The following ROBO2 variants were observed in gnomAD, a reference collection of about 807,000 sequenced individuals.
ROBO2 encodes roundabout guidance receptor 2.
A neutral mutation model predicts 160.8 loss-of-function variants in ROBO2; 53 were observed. The ratio of observed to expected loss-of-function variants is 0.33; its 90% CI spans 0.26 to 0.41. ROBO2 has a LOEUF of 0.41. Among genes scored for constraint, ROBO2 ranks in the 10% least tolerant of loss-of-function variants. The pLI, the probability that ROBO2 is intolerant of heterozygous loss-of-function variation, is 1.00. For missense variants in ROBO2, 1,577 were observed against 1,722.4 expected (o/e 0.92, Z 1.49); for synonymous variants, 664 against 611.7 (o/e 1.09, Z -1.26).
At position 77,058,185 on chromosome 3, in the gene ROBO2, T is replaced by C. The variant is rs2065948098; in HGVS notation, c.61+17339T>C. On this transcript the variant is annotated intron_variant, in intron 1 of 25. Coordinates refer to ENST00000461745, the Ensembl canonical transcript of ROBO2. ...GCTTCCAAGTATCACCTGAATAAAA[T>C]AGGTGAATAGAAAACTGAGCTTAGA... Among the ~76,000 whole-genome samples, 5 of 152,120 alleles carry C rather than the reference T, an allele frequency of 3.3e-5. No homozygotes were observed. The South Asian group carries it at 1.0e-3, about 32-fold the overall frequency.
At chr3:76,155,694 C>A (rs1446677077) in intron 2 of ROBO2, among the ~76,000 whole-genome samples, 2 of 152,130 alleles carry the variant, frequency 1.3e-5, no homozygotes, top group Non-Finnish European at 2.9e-5. Flanking sequence ...TTAACTAATT[C>A]ATTAAGCCAT....
intron 2 of ROBO2, among the ~76,000 whole-genome samples, chr3:76,359,532 A>G (rs1480077807): frequency 6.6e-6 from 1 of 152,062 alleles, no homozygotes; most frequent in Non-Finnish European, 1.5e-5. Context: ...CTCGCTGGAC[A>G]TGTGATCCTT....
At chr3:77,612,437 A>G (rs1488265832) in intron 21 of ROBO2, among the ~76,000 whole-genome samples, 1 of 152,206 alleles carries the variant, frequency 6.6e-6, no homozygotes, top group Non-Finnish European at 1.5e-5. Context: ...CTTCTCCTTC[A>G]TATGATATAC....
chr3:76,213,908 C>T (rs1575907300), intron 2 of ROBO2, among the ~76,000 whole-genome samples: 4 of 152,010 alleles, frequency 2.6e-5, no homozygotes, highest in Admixed American at 2.6e-4. Flanking sequence ...AGGATAAATA[C>T]AGTATAGATA....
chr3:77,188,537 A>ATTTTCAT (rs1579788414), intron 2 of ROBO2, among the ~76,000 whole-genome samples: 1 of 151,836 alleles, frequency 6.6e-6, no homozygotes, highest in African/African-American at 2.4e-5. Flanking sequence ...TTTATGTGGC[A>ATTTTCAT]TTTTCATACT....
intron 2 of ROBO2, among the ~76,000 whole-genome samples, chr3:76,060,347 G>A (rs2068030049): frequency 6.6e-6 from 1 of 152,192 alleles, no homozygotes; most frequent in African/African-American, 2.4e-5. Flanking sequence ...ATAATCACAT[G>A]TGGTGAAGGA....
At chr3:76,778,221 G>A (rs1275412423) in intron 2 of ROBO2, among the ~76,000 whole-genome samples, 1 of 151,016 alleles carries the variant, frequency 6.6e-6, no homozygotes, top group Non-Finnish European at 1.5e-5. Flanking sequence ...TAGAGAAAAA[G>A]GCTCACTTCA....
At chr3:76,023,855 G>C (rs1044424266) in intron 2 of ROBO2, among the ~76,000 whole-genome samples, 3 of 151,316 alleles carry the variant, frequency 2.0e-5, no homozygotes, top group African/African-American at 7.3e-5. Context: ...GTATCTACAA[G>C]AAAAGTGCAA....
chr3:76,340,495 T>G (rs1197266678), intron 2 of ROBO2, among the ~76,000 whole-genome samples: 1 of 152,178 alleles, frequency 6.6e-6, no homozygotes, highest in Middle Eastern at 3.2e-3. Context: ...ATGTGAAGTC[T>G]ACAGTACTGA....
chr3:76,894,394 T>C (rs976524312), intron 2 of ROBO2, among the ~76,000 whole-genome samples: 4 of 152,148 alleles, frequency 2.6e-5, no homozygotes, highest in Non-Finnish European at 4.4e-5. Flanking sequence ...TTATTTAGTA[T>C]GTTTTACTAT....
At chr3:76,725,678 T>C (rs2093540063) in intron 2 of ROBO2, among the ~76,000 whole-genome samples, 1 of 152,198 alleles carries the variant, frequency 6.6e-6, no homozygotes, top group East Asian at 1.9e-4. Flanking sequence ...AGTCATATTT[T>C]GGCCTTTGGA....
At chr3:77,290,977 A>T (rs1276087141) in intron 2 of ROBO2, among the ~76,000 whole-genome samples, 2 of 140,400 alleles carry the variant, frequency 1.4e-5, no homozygotes, top group African/African-American at 5.0e-5. Flanking sequence ...GACATAAAGT[A>T]AAATTGACGG....
chr3:76,522,960 TATG>T (rs1434197608), intron 2 of ROBO2, among the ~76,000 whole-genome samples: 2 of 148,812 alleles, frequency 1.3e-5, no homozygotes, highest in East Asian at 1.9e-4. Flanking sequence ...TAATTTTTAT[TATG>T]ATTATATAAT....
intron 2 of ROBO2, among the ~76,000 whole-genome samples, chr3:77,216,432 G>A (rs1224746202): frequency 6.6e-6 from 1 of 152,164 alleles, no homozygotes; most frequent in Non-Finnish European, 1.5e-5. Context: ...GAAAAATGCA[G>A]TATTAGGGTG....
At chr3:76,704,377 T>C (rs917610328) in intron 2 of ROBO2, among the ~76,000 whole-genome samples, 1 of 152,130 alleles carries the variant, frequency 6.6e-6, no homozygotes, top group African/African-American at 2.4e-5. Context: ...CTTTTGTTGA[T>C]CAATTTCTTC....
chr3:77,371,467 C>G (rs1269740744), intron 2 of ROBO2, among the ~76,000 whole-genome samples: 2 of 152,178 alleles, frequency 1.3e-5, no homozygotes, highest in Non-Finnish European at 2.9e-5. Flanking sequence ...CTCATTTACT[C>G]TCATTATAAA....
chr3:77,486,332 A>G (rs975164122), intron 4 of ROBO2, among the ~76,000 whole-genome samples: 1 of 152,150 alleles, frequency 6.6e-6, no homozygotes, highest in Non-Finnish European at 1.5e-5. Flanking sequence ...ATCCTTGAGG[A>G]ATCACCACAC....
At chr3:77,212,654 G>A (rs2084339921) in intron 2 of ROBO2, among the ~76,000 whole-genome samples, 1 of 152,110 alleles carries the variant, frequency 6.6e-6, no homozygotes, top group African/African-American at 2.4e-5. Flanking sequence ...TCTTGTGCCA[G>A]TTTTCAAAGG....
intron 2 of ROBO2, among the ~76,000 whole-genome samples, chr3:76,012,937 A>G (rs2107619738): frequency 6.7e-6 from 1 of 148,864 alleles, no homozygotes; most frequent in East Asian, 2.0e-4. Flanking sequence ...TTACGCGTGT[A>G]ATCCCAGAAG....
Sources: allele counts gnomAD v4.1 joint callset (sites outside exome capture counted in the v4.1 genomes callset), GRCh38; gene constraint gnomAD v4.1.1; transcripts MANE v1.5; gene names NCBI Gene and HGNC (gene_info 2026-07-23, HGNC 2026-07-21).